CCNH: variants seen among roughly 807,000 people sequenced by gnomAD.
The protein encoded by CCNH is cyclin-H.
A neutral mutation model predicts 41.9 loss-of-function variants in CCNH; 31 were observed. The ratio of observed to expected loss-of-function variants is 0.74; its 90% CI spans 0.56 to 1.00. CCNH has a LOEUF of 1.00. CCNH is among the 50% of genes least tolerant of loss of function. CCNH has a pLI of 0.00. For missense variants in CCNH, 362 were observed against 388.4 expected, an observed-to-expected ratio of 0.93 and a Z score of 0.57; for synonymous variants, 138 against 136.1, an observed-to-expected ratio of 1.01 and a Z score of -0.10.
At chr5:87,379,877 A>G (rs767732982), upstream of CCNH, 39 of 1,603,290 alleles carry the variant, frequency 2.4e-5, no homozygotes, top group Non-Finnish European at 1.8e-5. Flanking sequence ...TCATTTGACA[A>G]GAAATTGTGT....
chr5:87,343,329 GATTTGAT>G (rs1277547681), intron 9 of CCNH, among the ~76,000 whole-genome samples: 2 of 152,052 alleles, frequency 1.3e-5, no homozygotes, highest in Non-Finnish European at 2.9e-5. Context: ...CTCCTGCCAG[GATTTGAT>G]ATAACAGTAA....
At chr5:87,350,778 T>G (rs993820254) in intron 9 of CCNH, among the ~76,000 whole-genome samples, 5 of 151,666 alleles carry the variant, frequency 3.3e-5, no homozygotes, top group Non-Finnish European at 1.5e-5. Context: ...CCCAGAACTT[T>G]GATTTTTATA....
intron 9 of CCNH, among the ~76,000 whole-genome samples, chr5:87,384,621 C>A (rs1032453258): frequency 1.3e-5 from 2 of 152,040 alleles, no homozygotes; most frequent in African/African-American, 4.8e-5. Flanking sequence ...TCGCCTCAGA[C>A]AACACCATCT....
chr5:87,368,727 A>C (rs1760711385), intron 9 of CCNH, among the ~76,000 whole-genome samples: 1 of 152,132 alleles, frequency 6.6e-6, no homozygotes, highest in Admixed American at 6.6e-5. Context: ...CCTTTTAGGA[A>C]CTATTTTCTG....
chr5:87,384,880 T>G (rs546681880), intron 9 of CCNH, among the ~76,000 whole-genome samples: 1 of 152,226 alleles, frequency 6.6e-6, no homozygotes, highest in Non-Finnish European at 1.5e-5. Context: ...TTATTTGGAC[T>G]GCAAATAATG....
downstream of CCNH, chr5:87,391,019 A>T: frequency 3.4e-6 from 3 of 870,464 alleles, no homozygotes; most frequent in Non-Finnish European, 5.7e-6. Flanking sequence ...TATGCAAACA[A>T]AATCCAAGAT....
intron 9 of CCNH, among the ~76,000 whole-genome samples, chr5:87,353,901 T>C (rs1448919633): frequency 6.6e-6 from 1 of 152,072 alleles, no homozygotes; most frequent in Non-Finnish European, 1.5e-5. Context: ...CTGAAGTATA[T>C]GGTAGGGAAA....
At chr5:87,395,700 C>T (rs143010741) in intron 7 of CCNH, among the ~76,000 whole-genome samples, 10 of 152,154 alleles carry the variant, frequency 6.6e-5, no homozygotes, top group East Asian at 1.9e-4. Flanking sequence ...GGCGAAACCT[C>T]GTCTCTACAA....
chr5:87,352,796 ATTC>A (rs543939094), intron 9 of CCNH, among the ~76,000 whole-genome samples: 6 of 151,716 alleles, frequency 4.0e-5, no homozygotes, highest in Non-Finnish European at 8.8e-5. Flanking sequence ...GTTTCTGTGA[ATTC>A]TTCATTCTTA....
chr5:87,335,570 C>T (rs189910366), intron 9 of CCNH, among the ~76,000 whole-genome samples: 28 of 151,562 alleles, frequency 1.8e-4, no homozygotes, highest in African/African-American at 6.3e-4. Context: ...GAACTATGGG[C>T]GTCTGCCACC....
At chr5:87,386,640 G>A (rs1464612130), downstream of CCNH, among the ~76,000 whole-genome samples, 1 of 152,016 alleles carries the variant, frequency 6.6e-6, no homozygotes, top group Non-Finnish European at 1.5e-5. Flanking sequence ...TAATTCTTGT[G>A]AATGTGTTGC....
At chr5:87,358,160 C>G (rs1433858888) in intron 9 of CCNH, among the ~76,000 whole-genome samples, 2 of 152,146 alleles carry the variant, frequency 1.3e-5, no homozygotes, top group Non-Finnish European at 2.9e-5. Context: ...AAGATGCTGG[C>G]AAAGGCTAAG....
chr5:87,338,530 TATA>T (rs1269119900), intron 9 of CCNH, among the ~76,000 whole-genome samples: 1 of 97,504 alleles, frequency 1.0e-5, no homozygotes, highest in African/African-American at 3.7e-5. Context: ...TATATATATA[TATA>T]AAATTTTTTT....
intron 9 of CCNH, among the ~76,000 whole-genome samples, chr5:87,325,554 T>G (rs900305583): frequency 5.3e-5 from 8 of 151,994 alleles, no homozygotes; most frequent in African/African-American, 1.9e-4. Context: ...GCACACAGAG[T>G]CCCAAGTGAT....
intron 9 of CCNH, among the ~76,000 whole-genome samples, chr5:87,360,392 G>A (rs1759995281): frequency 6.6e-6 from 1 of 152,132 alleles, no homozygotes; most frequent in Non-Finnish European, 1.5e-5. Context: ...CTAAAGTACT[G>A]GGATTAAAGG....
chr5:87,374,450 T>C (rs1761171722), downstream of CCNH: 2 of 279,526 alleles, frequency 7.2e-6, no homozygotes, highest in Non-Finnish European at 5.8e-6. Flanking sequence ...AGCATATATA[T>C]ATATATATAT....
At chr5:87,364,002 C>T (rs1369376975) in intron 9 of CCNH, among the ~76,000 whole-genome samples, 1 of 152,078 alleles carries the variant, frequency 6.6e-6, no homozygotes, top group Non-Finnish European at 1.5e-5. Flanking sequence ...AATGTATAAG[C>T]TGAATCCTAA....
At chr5:87,331,539 C>G in intron 9 of CCNH, 1 of 1,594,494 alleles carries the variant, frequency 6.3e-7, no homozygotes, top group Non-Finnish European at 8.6e-7. Flanking sequence ...AATGATGTAG[C>G]TATTTTGATA....
chr5:87,398,897 T>C (rs895743064), intron 7 of CCNH, among the ~76,000 whole-genome samples: 2 of 151,058 alleles, frequency 1.3e-5, no homozygotes, highest in African/African-American at 4.9e-5. Flanking sequence ...GACCTGAACC[T>C]GGAAGGCAGA....
Sources: allele counts gnomAD v4.1 joint callset (sites outside exome capture counted in the v4.1 genomes callset), GRCh38; gene constraint gnomAD v4.1.1; transcripts MANE v1.5; gene names NCBI Gene and HGNC (gene_info 2026-07-23, HGNC 2026-07-21).